Variants in ROR1 observed in about 807,000 individuals in gnomAD.
ROR1 encodes ROR family WNT receptor 1, also known as inactive tyrosine-protein kinase transmembrane receptor ROR1.
ROR1 carries 19 observed loss-of-function variants against 78.8 expected under a neutral mutation model. That is an observed-to-expected ratio of 0.24 (90% confidence interval 0.17 to 0.35). The LOEUF (loss-of-function observed/expected upper bound fraction) is 0.35. Ranked by LOEUF, ROR1 falls within the 10% of genes least tolerant of loss-of-function variation. The pLI is 1.00. For synonymous variants in ROR1, 386 were observed against 433.6 expected, an observed-to-expected ratio of 0.89 and a Z score of 1.36; for missense variants, 917 against 1,177.8, an observed-to-expected ratio of 0.78 and a Z score of 3.24.
In ROR1 at chr1:64,076,452, G is replaced by A. The variant is rs79647422; in HGVS notation, c.482+25736G>A. The stretch of plus-strand genomic sequence containing the variant: ...CTAAAATTGTGTTTTCTCCAGATAA[G>A]CATCCAGGTCAAAGGAAAGACCTCT... On this transcript the variant is annotated intron_variant, in intron 4 of 8. Transcript: ENST00000371079. 7.6e-3 allele frequency among the ~76,000 whole-genome samples: 1,154 copies of A among 152,232 alleles called. 18 individuals are homozygous for A. The highest frequency in any genetic ancestry group is 0.027 in the African/African-American group (1,106 of 41,532).
intron 1 of ROR1, among the ~76,000 whole-genome samples, chr1:63,786,256 A>ATTTTTTTTTTTTTTT (rs34933492): frequency 3.0e-5 from 2 of 67,512 alleles, no homozygotes; most frequent in Non-Finnish European, 5.7e-5. Flanking sequence ...CTACAACTTG[A>ATTTTTTTTTTTTTTT]TTTTTTTTTT....
chr1:63,853,739 G>C (rs773545898), intron 1 of ROR1, among the ~76,000 whole-genome samples: 5 of 152,154 alleles, frequency 3.3e-5, no homozygotes, highest in Non-Finnish European at 7.4e-5. Flanking sequence ...GAGCATGAAT[G>C]AAAGTTTCCA....
intron 8 of ROR1, among the ~76,000 whole-genome samples, chr1:64,163,974 C>A (rs1354888899): frequency 6.6e-6 from 1 of 152,182 alleles, no homozygotes; most frequent in Non-Finnish European, 1.5e-5. Flanking sequence ...GTGACCTTTG[C>A]CAAGTCTTCC....
At chr1:64,109,026 C>A (rs1016985259) in intron 4 of ROR1, among the ~76,000 whole-genome samples, 1 of 152,114 alleles carries the variant, frequency 6.6e-6, no homozygotes, top group Non-Finnish European at 1.5e-5. Flanking sequence ...AGAGCTTGGG[C>A]CAGGAATCGG....
chr1:64,139,477 C>T (rs1410841725), intron 5 of ROR1, among the ~76,000 whole-genome samples: 1 of 152,140 alleles, frequency 6.6e-6, no homozygotes, highest in Non-Finnish European at 1.5e-5. Flanking sequence ...GGCTGGTGCG[C>T]TTTTTGTGCA....
At chr1:63,912,474 A>G (rs950842069) in intron 1 of ROR1, among the ~76,000 whole-genome samples, 1 of 152,200 alleles carries the variant, frequency 6.6e-6, no homozygotes, top group African/African-American at 2.4e-5. Context: ...GGAGAAAGGC[A>G]GAGCTATTGC....
intron 1 of ROR1, among the ~76,000 whole-genome samples, chr1:63,853,159 C>T (rs1645124786): frequency 6.6e-6 from 1 of 152,144 alleles, no homozygotes; most frequent in Non-Finnish European, 1.5e-5. Context: ...CACCTATCCC[C>T]TGCTCCCAGC....
At chr1:63,917,185 G>C (rs855818) in intron 1 of ROR1, among the ~76,000 whole-genome samples, 1 of 152,162 alleles carries the variant, frequency 6.6e-6, no homozygotes, top group Non-Finnish European at 1.5e-5. Context: ...TTATACATTT[G>C]TGTGATTACC....
chr1:63,994,270 A>G (rs988523363), intron 1 of ROR1, among the ~76,000 whole-genome samples: 4 of 152,010 alleles, frequency 2.6e-5, no homozygotes, highest in African/African-American at 9.7e-5. Flanking sequence ...TTGAGCTGCA[A>G]TAATTTTGTC....
rs201679982 is a variant in ROR1 at position 64,177,582 on chromosome 1, C to G, written c.1541C>G (p.Pro514Arg). ...AIKTLKDYNN[P>R]QQWTEFQQEA... ...AAGACCTTGAAAGACTATAACAACC[C>G]CCAGCAATGGACGGAATTTCAACAA... Residue 514 changes from proline to arginine, a missense_variant, in exon 9 of 9, where the codon CCC becomes CGC. Physicochemically the swap from Pro to Arg is moderately radical, Grantham distance 103. This residue lies in a region of ROR1 where 835 missense variants were observed against 1,069.8 expected (regional missense o/e 0.78). Coordinates refer to ENST00000371079, the MANE Select transcript of ROR1 (RefSeq NM_005012.4). 297 of 1,614,154 alleles carry G rather than the reference C, an allele frequency of 1.8e-4. No homozygotes were observed. The highest frequency in any genetic ancestry group is 5.7e-4 in the Admixed American group (34 of 60,028).
At chr1:64,067,480 T>C (rs1461653542) in intron 4 of ROR1, among the ~76,000 whole-genome samples, 1 of 144,588 alleles carries the variant, frequency 6.9e-6, no homozygotes, top group Non-Finnish European at 1.5e-5. Flanking sequence ...CCATACTTGA[T>C]CTGTACTTAT....
intron 4 of ROR1, among the ~76,000 whole-genome samples, chr1:64,075,024 T>C (rs982268801): frequency 4.6e-5 from 7 of 152,190 alleles, no homozygotes; most frequent in African/African-American, 1.7e-4. Context: ...GCTCCTGACA[T>C]ACCTTATCTC....
intron 1 of ROR1, among the ~76,000 whole-genome samples, chr1:63,811,317 A>G (rs1644858471): frequency 1.3e-5 from 2 of 152,322 alleles, no homozygotes; most frequent in African/African-American, 2.4e-5. Context: ...TGTGCTGGAC[A>G]GCCCCTGATT....
chr1:63,953,410 A>C (rs535523225), intron 1 of ROR1, among the ~76,000 whole-genome samples: 5 of 152,326 alleles, frequency 3.3e-5, no homozygotes, highest in Non-Finnish European at 5.9e-5. Context: ...TGACAACAAT[A>C]ATAACTAGTA....
intron 1 of ROR1, among the ~76,000 whole-genome samples, chr1:63,906,744 A>G (rs1412302976): frequency 1.3e-5 from 2 of 152,192 alleles, no homozygotes; most frequent in Non-Finnish European, 2.9e-5. Flanking sequence ...TACAGAACAT[A>G]TGTGCTTTAG....
intron 1 of ROR1, chr1:63,843,433 C>T: frequency 1.3e-6 from 1 of 741,554 alleles, no homozygotes; most frequent in Non-Finnish European, 2.5e-6. Flanking sequence ...TAGGTTGTGT[C>T]ACAGAGGGTG....
chr1:64,161,925 T>C (rs903992755), intron 8 of ROR1, among the ~76,000 whole-genome samples: 2 of 152,206 alleles, frequency 1.3e-5, no homozygotes, highest in African/African-American at 2.4e-5. Context: ...CACAAAGGAC[T>C]CTGTAGACCT....
chr1:64,140,085 TTAA>T, intron 5 of ROR1, 21 bp from the exon 6 acceptor site: 1 of 1,603,404 alleles, frequency 6.2e-7, no homozygotes, highest in Non-Finnish European at 8.5e-7. Flanking sequence ...CCTCTGGGAG[TTAA>T]TAATTGTGTT....
chr1:63,821,896 C>T (rs1479989433), intron 1 of ROR1, among the ~76,000 whole-genome samples: 5 of 152,128 alleles, frequency 3.3e-5, no homozygotes, highest in Non-Finnish European at 5.9e-5. Context: ...GGGAGTGAGT[C>T]ACAATTGCCC....
Sources: allele counts gnomAD v4.1 joint callset (sites outside exome capture counted in the v4.1 genomes callset), GRCh38; gene constraint gnomAD v4.1.1; regional missense constraint gnomAD v4.1.1; transcripts MANE v1.5; gene names NCBI Gene and HGNC (gene_info 2026-07-23, HGNC 2026-07-21).